VPS13C: variants seen among roughly 807,000 people sequenced by gnomAD.
VPS13C encodes the protein vacuolar protein sorting 13 homolog C.
VPS13C carries 358 observed loss-of-function variants against 456.8 expected under a neutral mutation model. The observed-to-expected ratio is 0.78, with a 90% CI of 0.72 to 0.86. The LOEUF is 0.86. VPS13C is among the 40% of genes least tolerant of loss of function. The probability of loss-of-function intolerance (pLI) is 0.00; values close to 1 mark genes in which losing one functional copy is unlikely to be tolerated. For synonymous variants in VPS13C, 1,578 were observed against 1,486.7 expected (o/e 1.06, Z -1.41); for missense variants, 4,818 against 4,385.4 (o/e 1.10, Z -2.79).
chr15:62,016,689 G>T (rs1226631316), intron 9 of VPS13C, among the ~76,000 whole-genome samples: 2 of 152,078 alleles, frequency 1.3e-5, no homozygotes, highest in Non-Finnish European at 2.9e-5. Flanking sequence ...CACTTGGGTT[G>T]GTTCCAAGTC....
intron 45 of VPS13C, among the ~76,000 whole-genome samples, chr15:61,944,253 A>C (rs1029082772): frequency 6.6e-6 from 1 of 152,170 alleles, no homozygotes; most frequent in African/African-American, 2.4e-5. Context: ...TCAAAACAAA[A>C]CTACCATTTG....
chr15:61,934,406 T>C (rs1654598235), intron 48 of VPS13C, 75 bp from the exon 49 acceptor site: 5 of 763,542 alleles, frequency 6.5e-6, no homozygotes, highest in Non-Finnish European at 9.7e-6. Flanking sequence ...GATAATTTCT[T>C]ATTCTAAATT....
chr15:61,920,905 T>C (rs576996882), intron 55 of VPS13C, among the ~76,000 whole-genome samples: 22 of 152,144 alleles, frequency 1.4e-4, no homozygotes, highest in Admixed American at 1.2e-3. Context: ...TTGTCTCTTA[T>C]GCATTCCTCA....
intron 81 of VPS13C, chr15:61,866,733 C>G: frequency 1.0e-6 from 1 of 985,138 alleles, no homozygotes; most frequent in Non-Finnish European, 1.2e-6. Flanking sequence ...CTTTGTATAT[C>G]TAGCACACGC....
intron 1 of VPS13C, among the ~76,000 whole-genome samples, chr15:62,051,913 G>C (rs1485684546): frequency 6.6e-6 from 1 of 152,120 alleles, no homozygotes; most frequent in Non-Finnish European, 1.5e-5. Context: ...TTATGATTTA[G>C]AACTATTTGG....
intron 66 of VPS13C, among the ~76,000 whole-genome samples, chr15:61,901,344 G>T (rs1318365263): frequency 2.0e-5 from 3 of 151,998 alleles, no homozygotes; most frequent in African/African-American, 4.8e-5. Flanking sequence ...TGGGAGAAAA[G>T]TTTCGCAACC....
chr15:61,901,773 A>C (rs1171261679), intron 66 of VPS13C, among the ~76,000 whole-genome samples: 2 of 152,060 alleles, frequency 1.3e-5, no homozygotes, highest in Non-Finnish European at 2.9e-5. Flanking sequence ...TATATACCCA[A>C]AGGACTATAA....
At chr15:62,037,442 T>C in intron 3 of VPS13C, among the ~76,000 whole-genome samples, 1 of 124,820 alleles carries the variant, frequency 8.0e-6, no homozygotes, top group African/African-American at 3.1e-5. Context: ...ATAATATATA[T>C]TAAATAAATA....
At chr15:61,911,518 T>C (rs987081198) in intron 63 of VPS13C, among the ~76,000 whole-genome samples, 3 of 152,188 alleles carry the variant, frequency 2.0e-5, no homozygotes, top group African/African-American at 7.2e-5. Flanking sequence ...TAATAGCTTC[T>C]TGAATATAGA....
intron 43 of VPS13C, among the ~76,000 whole-genome samples, 160 bp from the exon 44 acceptor site, chr15:61,946,570 A>G (rs2044612132): frequency 6.6e-6 from 1 of 151,920 alleles, no homozygotes; most frequent in East Asian, 1.9e-4. Flanking sequence ...GATACCTAAG[A>G]AAGGTAATAA....
chr15:61,904,921 C>G (rs2043110464), intron 66 of VPS13C, among the ~76,000 whole-genome samples: 1 of 149,364 alleles, frequency 6.7e-6, no homozygotes, highest in African/African-American at 2.5e-5. Flanking sequence ...TATGTGGGAG[C>G]TAAAAAAAAA....
At chr15:61,882,949 G>A (rs1021986653) in intron 68 of VPS13C, among the ~76,000 whole-genome samples, 2 of 151,986 alleles carry the variant, frequency 1.3e-5, no homozygotes, top group Admixed American at 1.3e-4. Context: ...AACTTTTCAA[G>A]TATAGAAACT....
At chr15:61,860,663 AGAT>A (rs1261994118) in intron 82 of VPS13C, among the ~76,000 whole-genome samples, 2 of 152,320 alleles carry the variant, frequency 1.3e-5, no homozygotes, top group South Asian at 2.1e-4. Flanking sequence ...TGCTTTGGGA[AGAT>A]GATGACAGTA....
intron 1 of VPS13C, among the ~76,000 whole-genome samples, chr15:62,053,949 T>C (rs2048706638): frequency 6.6e-6 from 1 of 152,128 alleles, no homozygotes; most frequent in African/African-American, 2.4e-5. Context: ...ATCTAACACA[T>C]CACAGTTCCT....
rs201973062 is a variant in VPS13C at position 62,047,261 on chromosome 15, T to TA, written c.101-3007dup. Among the ~76,000 whole-genome samples, 466 of 147,442 alleles carry TA rather than the reference T, an allele frequency of 3.2e-3. 1 individual carries two copies. Among genetic ancestry groups the TA allele is most frequent in the African/African-American group, 8.8e-3 (354 of 40,240 alleles). On this transcript the variant is annotated intron_variant, in intron 1 of 84. Transcript: ENST00000644861. ...CAACATGGTGAAACCCCATCTCTACTAAAAAAAAAATCAAAAATTAGCCGG... is the reference window on the plus strand; with the variant it reads ...CAACATGGTGAAACCCCATCTCTACTAAAAAAAAAAATCAAAAATTAGCCGG...
intron 9 of VPS13C, among the ~76,000 whole-genome samples, chr15:62,019,031 G>C (rs550414973): frequency 2.0e-5 from 3 of 151,988 alleles, no homozygotes; most frequent in Non-Finnish European, 4.4e-5. Flanking sequence ...TGTATGTGTC[G>C]AGGAATTTGT....
chr15:61,980,746 A>C (rs1215288837), intron 22 of VPS13C, among the ~76,000 whole-genome samples: 1 of 152,196 alleles, frequency 6.6e-6, no homozygotes. Flanking sequence ...TGAGAGATGG[A>C]CTAAATGGCT....
chr15:62,049,369 C>T (rs1408668463), intron 1 of VPS13C, among the ~76,000 whole-genome samples: 2 of 152,262 alleles, frequency 1.3e-5, no homozygotes, highest in Non-Finnish European at 1.5e-5. Flanking sequence ...GAATCCTTTC[C>T]CCATTGCTTG....
chr15:61,982,944 G>A (rs2045931064), intron 20 of VPS13C, among the ~76,000 whole-genome samples: 1 of 152,170 alleles, frequency 6.6e-6, no homozygotes, highest in Non-Finnish European at 1.5e-5. Flanking sequence ...TTAAGAGGAA[G>A]AAAGCCATTC....
Sources: gnomAD v4.1 joint callset for allele counts (sites outside exome capture counted in the v4.1 genomes callset) on GRCh38, gnomAD v4.1.1 for gene constraint, MANE v1.5 for transcripts, NCBI Gene and HGNC (gene_info 2026-07-23, HGNC 2026-07-21) for gene names.